GSTA2: variants seen among roughly 807,000 people sequenced by gnomAD.
GSTA2 encodes glutathione S-transferase alpha 2, also known as glutathione S-transferase A2.
GSTA2 carries 27 observed loss-of-function variants against 22.4 expected under a neutral mutation model. The ratio of observed to expected loss-of-function variants is 1.21; its 90% CI spans 0.89 to 1.67. GSTA2 has a LOEUF of 1.67. GSTA2 is among the 40% of genes most tolerant of loss of function. The pLI, the probability that GSTA2 is intolerant of heterozygous loss-of-function variation, is 0.00. For synonymous variants in GSTA2, 121 were observed against 86.8 expected, an observed-to-expected ratio of 1.39 and a Z score of -2.19; for missense variants, 302 against 260.2, an observed-to-expected ratio of 1.16 and a Z score of -1.11.
chr6:52,752,743 G>A, intron 5 of GSTA2, 111 bp downstream of exon 5: 2 of 1,364,194 alleles, frequency 1.5e-6, no homozygotes, highest in South Asian at 2.4e-5. Flanking sequence ...CTGCATTGGT[G>A]TCCAGGAAGT....
intron 4 of GSTA2, among the ~76,000 whole-genome samples, chr6:52,754,045 A>G (rs1561894478): frequency 6.6e-6 from 1 of 152,176 alleles, no homozygotes; most frequent in Non-Finnish European, 1.5e-5. Context: ...TGTAGCATGC[A>G]TTCGTACTTC....
chr6:52,756,188 G>C lies in GSTA2; in HGVS notation c.139+70C>G, dbSNP rs1406075454. The C allele has an allele frequency of 2.9e-6, 3 of 1,045,270 alleles. No individual in the cohort carries two copies. In the East Asian group the frequency reaches 7.2e-5, roughly 25 times the overall value. 64.7% of individuals were successfully genotyped at this position (1,045,270 alleles called of 1,614,324 possible). A position where few individuals can be genotyped will look rare whatever the true frequency, so the allele number is the denominator to read the frequency against. ...ATGCCCCACACCCATAGACATTGCC[G>C]GCTGCGCAAACCTCCCCGTGTACCT... On this transcript the variant is annotated intron_variant, in intron 3 of 6. Coordinates refer to ENST00000493422, the MANE Select transcript of GSTA2 (RefSeq NM_000846.5).
At chr6:52,761,294 A>G (rs139411620) in intron 1 of GSTA2, among the ~76,000 whole-genome samples, 1 of 152,222 alleles carries the variant, frequency 6.6e-6, no homozygotes, top group East Asian at 1.9e-4. Flanking sequence ...CTATCCACCA[A>G]TTATTTTACC....
chr6:52,760,165 T>A (rs772768591), intron 1 of GSTA2, among the ~76,000 whole-genome samples: 1 of 152,190 alleles, frequency 6.6e-6, no homozygotes, highest in Non-Finnish European at 1.5e-5. Flanking sequence ...GCGTAGGGTG[T>A]GCTTGTTTAA....
At position 52,754,975 on chromosome 6, in the gene GSTA2, G is replaced by A. The variant is rs148814107; in HGVS notation, c.240C>T (p.Asn80=). ...AILNYIASKY[N]LYGKDIKEKA... ...TCTCCTTTATGTCTTTCCCATAGAGGTTGTATTTGCTGGCAATGTAGTTGA... is the reference window on the plus strand; with the variant it reads ...TCTCCTTTATGTCTTTCCCATAGAGATTGTATTTGCTGGCAATGTAGTTGA... The change falls in exon 4 of 7, where the codon AAC becomes AAT. Residue 80 remains asparagine (N), a synonymous_variant. Transcript: ENST00000493422. 26 of 1,613,916 alleles carry A rather than the reference G, an allele frequency of 1.6e-5. No homozygotes were observed. The African/African-American group carries it at 2.9e-4, about 18-fold the overall frequency.
chr6:52,758,000 G>A (rs1762880882), intron 1 of GSTA2, 23 bp from the exon 2 acceptor site: 8 of 1,274,186 alleles, frequency 6.3e-6, no homozygotes, highest in Non-Finnish European at 9.1e-6. Context: ...ATGAATGAAT[G>A]AATGAATAAT....
intron 1 of GSTA2, among the ~76,000 whole-genome samples, chr6:52,760,081 T>C (rs1762928279): frequency 6.6e-6 from 1 of 152,104 alleles, no homozygotes; most frequent in African/African-American, 2.4e-5. Flanking sequence ...ACTCCAGGAG[T>C]AAATTAAAGT....
chr6:52,751,546 C>T lies in GSTA2; in HGVS notation c.546+31G>A, dbSNP rs754578198. The stretch of plus-strand genomic sequence containing the variant: ...AGATCCCAAGATGGGAGATGTGGGT[C>T]TGCCTCTCTGAAGACTGTGAAATGG... On this transcript the variant is annotated intron_variant, in intron 6 of 6. Transcript: ENST00000493422. The T allele has an allele frequency of 8.7e-6, 14 of 1,613,512 alleles. No individual in the cohort carries two copies. In the East Asian group the frequency reaches 2.9e-4, roughly 33 times the overall value.
Position 52,750,699 on chromosome 6 carries a change from C to T in GSTA2, c.547G>A (p.Ala183Thr), listed in dbSNP as rs1234274797. The change falls in exon 7 of 7, where the codon GCC becomes ACC. Residue 183 changes from alanine to threonine, a missense_variant and splice_region_variant. Physicochemically the swap from Ala to Thr is moderately conservative, Grantham distance 58. Coordinates refer to ENST00000493422, the MANE Select transcript of GSTA2 (RefSeq NM_000846.5). ...SLISSFPLLK[A>T]LKTRISNLPT... ...AGGTTACTGATTCTGGTTTTCAGGG[C>T]CTGTAATCCACAAAGCACAGCCTCA... 1 of 1,612,350 alleles carries T rather than the reference C, an allele frequency of 6.2e-7. No individual in the cohort carries two copies. The highest frequency in any genetic ancestry group is 8.5e-7 in the Non-Finnish European group (1 of 1,179,728).
At position 52,755,095 on chromosome 6, in the gene GSTA2, A is replaced by T. The variant is rs1003345257; in HGVS notation, c.140-20T>A. The T allele has an allele frequency of 1.2e-6, 2 of 1,614,018 alleles. No individual in the cohort carries two copies. Among genetic ancestry groups the T allele is most frequent in the Admixed American group, 3.3e-5 (2 of 60,000 alleles). ...ATCCATCTTTAAGAGGAAGAAAAAA[A>T]AGGAGAGTGAAGTGTCTATGAAACC... On this transcript the variant is annotated intron_variant, in intron 3 of 6. Transcript: ENST00000493422.
Position 52,757,634 on chromosome 6 carries a change from C to T in GSTA2, c.87+227G>A, listed in dbSNP as rs552414676. On this transcript the variant is annotated intron_variant, in intron 2 of 6. Transcript: ENST00000493422. ...GTTTAAATTCTAATCCACTTAAGTTCTGCACTTTGTGATTAGTGTCTTAAA... is the reference window on the plus strand; with the variant it reads ...GTTTAAATTCTAATCCACTTAAGTTTTGCACTTTGTGATTAGTGTCTTAAA... Among the ~76,000 whole-genome samples, 330 of 152,206 alleles carry T rather than the reference C, an allele frequency of 2.2e-3. 1 individual carries two copies. The highest frequency in any genetic ancestry group is 3.8e-3 in the Non-Finnish European group (261 of 68,016).
At chr6:52,757,434 TA>T (rs1293814528) in intron 2 of GSTA2, among the ~76,000 whole-genome samples, 1 of 148,800 alleles carries the variant, frequency 6.7e-6, no homozygotes, top group African/African-American at 2.5e-5. Context: ...TCCATATGAT[TA>T]ATCCTTAAAT....
chr6:52,755,211 A>G (rs1324550095), intron 3 of GSTA2, 136 bp from the exon 4 acceptor site: 1 of 1,165,844 alleles, frequency 8.6e-7, no homozygotes, highest in Non-Finnish European at 1.2e-6. Flanking sequence ...TTCACTTGAA[A>G]CAACTTTTTT....
In GSTA2 at chr6:52,750,487, A is replaced by T; in HGVS notation, c.*90T>A. ...TGAAAGAGTTCATTAGCTTCACAACAGGCACAATCAACACTTAGGTAAAGC... is the reference window on the plus strand; with the variant it reads ...TGAAAGAGTTCATTAGCTTCACAACTGGCACAATCAACACTTAGGTAAAGC... On this transcript the variant is annotated 3_prime_UTR_variant, in exon 7 of 7. Coordinates refer to ENST00000493422, the MANE Select transcript of GSTA2 (RefSeq NM_000846.5). The T allele has an allele frequency of 8.1e-7, 1 of 1,230,016 alleles. No individual in the cohort carries two copies. Among genetic ancestry groups the T allele is most frequent in the Middle Eastern group, 2.5e-4 (1 of 4,018 alleles). The allele number at this position is 1,230,016 out of a possible 1,614,324, so 76.2% of individuals were successfully genotyped here. A position where few individuals can be genotyped will look rare whatever the true frequency, so the allele number is the denominator to read the frequency against.
chr6:52,758,219 C>A (rs1364765945), intron 1 of GSTA2, among the ~76,000 whole-genome samples: 3 of 152,008 alleles, frequency 2.0e-5, no homozygotes, highest in Non-Finnish European at 4.4e-5. Flanking sequence ...TCTTGGCAGC[C>A]TAAGAGGTGA....
intron 4 of GSTA2, among the ~76,000 whole-genome samples, chr6:52,753,263 GGAA>G (rs1762778949): frequency 6.6e-6 from 1 of 152,146 alleles, no homozygotes; most frequent in Non-Finnish European, 1.5e-5. Flanking sequence ...ACCTAATACA[GGAA>G]GAAGATCATC....
chr6:52,761,338 A>G (rs1490956814), intron 1 of GSTA2, among the ~76,000 whole-genome samples: 2 of 152,068 alleles, frequency 1.3e-5, no homozygotes, highest in Non-Finnish European at 2.9e-5. Context: ...TCTGTTTATA[A>G]TCTCTGTCTA....
Position 52,751,677 on chromosome 6 carries a change from A to T in GSTA2, c.446T>A (p.Val149Asp). Residue 149 changes from valine to aspartate, a missense_variant, in exon 6 of 7, where the codon GTT (valine) becomes GAT (aspartate). Transcript: ENST00000493422. ...VLKSHGQDYL[V>D]GNKLSRADIH... The stretch of plus-strand genomic sequence containing the variant: ...GTCAGCCCGGCTCAGCTTGTTGCCA[A>T]CAAGGTAGTCTTGTCCGTGGCTCTT... The T allele has an allele frequency of 6.2e-7, 1 of 1,614,148 alleles. No homozygotes were observed. The highest frequency in any genetic ancestry group is 8.5e-7 in the Non-Finnish European group (1 of 1,179,988).
chr6:52,750,102 A>C lies in GSTA2; in HGVS notation c.*475T>G, dbSNP rs1762709893. 6.4e-6 allele frequency: 1 copy of C among 156,682 alleles called. No homozygotes were observed. The highest frequency in any genetic ancestry group is 1.4e-5 in the Non-Finnish European group (1 of 70,932). 9.7% of individuals were successfully genotyped at this position (156,682 alleles called of 1,614,324 possible). A position where few individuals can be genotyped will look rare whatever the true frequency, so the allele number is the denominator to read the frequency against. On this transcript the variant is annotated 3_prime_UTR_variant, in exon 7 of 7. Coordinates refer to ENST00000493422, the MANE Select transcript of GSTA2 (RefSeq NM_000846.5). ...GACAGAATCGTTGTTTTGCAAATGC[A>C]TTAGAAAGAATGCTTTTATCAGAAA...
Sources: allele counts gnomAD v4.1 joint callset (sites outside exome capture counted in the v4.1 genomes callset), GRCh38; gene constraint gnomAD v4.1.1; transcripts MANE v1.5; gene names NCBI Gene and HGNC (gene_info 2026-07-23, HGNC 2026-07-21).